The following PRR5 variants were observed in gnomAD, a reference collection of about 807,000 sequenced individuals.
The protein encoded by PRR5 is proline rich 5.
A neutral mutation model predicts 30.6 loss-of-function variants in PRR5; 25 were observed. The observed-to-expected ratio is 0.82, with a 90% CI of 0.60 to 1.14. The LOEUF (loss-of-function observed/expected upper bound fraction) is 1.14. Ranked by LOEUF, PRR5 falls within the 50% of genes most tolerant of loss-of-function variation. The pLI is 0.00. For synonymous variants in PRR5, 286 were observed against 247.1 expected (o/e 1.16, Z -1.48); for missense variants, 600 against 547.1 (o/e 1.10, Z -0.96).
intron 1 of PRR5, among the ~76,000 whole-genome samples, chr22:44,679,148 T>C (rs911110642): frequency 2.0e-5 from 3 of 152,016 alleles, no homozygotes; most frequent in Admixed American, 6.6e-5. Context: ...CCACCCCAGG[T>C]CCATTCTGCA....
upstream of PRR5, among the ~76,000 whole-genome samples, chr22:44,675,609 C>G (rs1923697725): frequency 6.6e-6 from 1 of 152,098 alleles, no homozygotes; most frequent in African/African-American, 2.4e-5. Context: ...TCTCACCCTC[C>G]CTGCATCTCA....
At chr22:44,718,087 C>T (rs1159291329) in intron 2 of PRR5, among the ~76,000 whole-genome samples, 1 of 152,130 alleles carries the variant, frequency 6.6e-6, no homozygotes, top group Non-Finnish European at 1.5e-5. Context: ...ATCGCATCCA[C>T]CTCGGCTGAT....
At chr22:44,710,122 C>T (rs1293930514) in intron 1 of PRR5, among the ~76,000 whole-genome samples, 1 of 152,108 alleles carries the variant, frequency 6.6e-6, no homozygotes, top group Non-Finnish European at 1.5e-5. Flanking sequence ...ATGGGTGCGG[C>T]ACTGTCCTCC....
intron 1 of PRR5, among the ~76,000 whole-genome samples, chr22:44,680,749 G>T (rs1421776385): frequency 1.3e-5 from 2 of 152,188 alleles, no homozygotes; most frequent in East Asian, 3.9e-4. Flanking sequence ...CACCAGGGCA[G>T]GTTCCTGGCT....
chr22:44,726,460 TCCTC>T, intron 3 of PRR5, 113 bp from the exon 4 acceptor site: 1 of 1,460,402 alleles, frequency 6.8e-7, no homozygotes, highest in South Asian at 1.2e-5. Flanking sequence ...TCAGTGAGTC[TCCTC>T]CCCCTTTAAG....
chr22:44,692,296 TC>T (rs1402719716), intron 1 of PRR5, among the ~76,000 whole-genome samples: 4 of 85,284 alleles, frequency 4.7e-5, no homozygotes, highest in Admixed American at 2.7e-4. Context: ...CACCAGGGGC[TC>T]CCCCTCTCGG....
intron 1 of PRR5, among the ~76,000 whole-genome samples, chr22:44,680,261 A>C (rs559631295): frequency 6.6e-6 from 1 of 152,266 alleles, no homozygotes; most frequent in Admixed American, 6.5e-5. Context: ...TGAGTCTCAG[A>C]TACTTCATCT....
At chr22:44,723,767 C>A (rs1282813419) in intron 2 of PRR5, among the ~76,000 whole-genome samples, 1 of 152,152 alleles carries the variant, frequency 6.6e-6, no homozygotes, top group African/African-American at 2.4e-5. Context: ...GTACTTTGAG[C>A]AGTGTTTGCC....
chr22:44,733,007 A>G (rs1393422511), intron 6 of PRR5, among the ~76,000 whole-genome samples: 1 of 100,884 alleles, frequency 9.9e-6, no homozygotes, highest in African/African-American at 2.6e-5. Context: ...CACACATACT[A>G]CACACGTGCA....
intron 2 of PRR5, among the ~76,000 whole-genome samples, chr22:44,722,014 TGGC>T (rs1268000193): frequency 1.3e-5 from 2 of 151,948 alleles, no homozygotes; most frequent in South Asian, 4.2e-4. Flanking sequence ...GCTTGGTCCT[TGGC>T]GGACCAGAGG....
chr22:44,722,440 G>A (rs977414122), intron 2 of PRR5, among the ~76,000 whole-genome samples: 21 of 152,220 alleles, frequency 1.4e-4, no homozygotes, highest in Non-Finnish European at 2.2e-4. Flanking sequence ...CCCAGGCTCC[G>A]GTGATGGCCA....
upstream of PRR5, among the ~76,000 whole-genome samples, chr22:44,674,450 C>G (rs569658542): frequency 3.9e-5 from 6 of 152,134 alleles, no homozygotes; most frequent in South Asian, 1.2e-3. Flanking sequence ...AGGCCGGGTA[C>G]GGTGGCTCAC....
At chr22:44,674,461 G>A (rs761642815), upstream of PRR5, among the ~76,000 whole-genome samples, 4 of 152,076 alleles carry the variant, frequency 2.6e-5, no homozygotes, top group African/African-American at 2.4e-5. Flanking sequence ...GGTGGCTCAC[G>A]CCTGTAATCC....
In PRR5 at chr22:44,702,473, C is replaced by G; in HGVS notation, c.-2C>G. Reference sequence around the variant, plus strand: ...GGCGCGGCGCAGGCGGCCCGGGTCACCATGAGGACTCTCCGCAGGTTGAAG... The same window carrying G: ...GGCGCGGCGCAGGCGGCCCGGGTCAGCATGAGGACTCTCCGCAGGTTGAAG... On this transcript the variant is annotated 5_prime_UTR_variant, in exon 1 of 8. Coordinates refer to ENST00000336985, the MANE Select transcript of PRR5 (RefSeq NM_181333.4). 1 of 1,448,838 alleles carries G rather than the reference C, an allele frequency of 6.9e-7. No homozygotes were observed. The highest frequency in any genetic ancestry group is 2.3e-4 in the Middle Eastern group (1 of 4,292). The allele number at this position is 1,448,838 out of a possible 1,614,324, so 89.7% of individuals were successfully genotyped here. A position where few individuals can be genotyped will look rare whatever the true frequency, so the allele number is the denominator to read the frequency against.
At chr22:44,698,055 G>T (rs1220138366), upstream of PRR5, among the ~76,000 whole-genome samples, 1 of 152,170 alleles carries the variant, frequency 6.6e-6, no homozygotes, top group Non-Finnish European at 1.5e-5. Flanking sequence ...TTACTGGTCT[G>T]TTCCTGTCCC....
At chr22:44,687,868 G>A (rs980828966) in intron 1 of PRR5, among the ~76,000 whole-genome samples, 2 of 152,036 alleles carry the variant, frequency 1.3e-5, no homozygotes, top group African/African-American at 4.8e-5. Context: ...TCCGCCTCCC[G>A]GGTTCAAGCG....
At chr22:44,732,803 C>T (rs132397) in intron 6 of PRR5, among the ~76,000 whole-genome samples, 84,323 of 148,886 alleles carry the variant, frequency 0.57, 26,316 homozygotes, top group Non-Finnish European at 0.7. Flanking sequence ...CATGTGCACA[C>T]GCATACACAC....
intron 1 of PRR5, among the ~76,000 whole-genome samples, chr22:44,689,741 T>G (rs1056035255): frequency 6.6e-6 from 1 of 152,170 alleles, no homozygotes; most frequent in Admixed American, 6.5e-5. Flanking sequence ...CTCCACCTCC[T>G]GAGTTCAAGC....
chr22:44,736,203 C>T (rs1423548541), intron 7 of PRR5, among the ~76,000 whole-genome samples: 6 of 152,220 alleles, frequency 3.9e-5, no homozygotes, highest in Admixed American at 3.9e-4. Context: ...CAGCGGCCAG[C>T]GAGGCCCATT....
Sources: gnomAD v4.1 joint callset for allele counts (sites outside exome capture counted in the v4.1 genomes callset) on GRCh38, gnomAD v4.1.1 for gene constraint, MANE v1.5 for transcripts, NCBI Gene and HGNC (gene_info 2026-07-23, HGNC 2026-07-21) for gene names.